Variants in FHIP1A observed in about 807,000 individuals in gnomAD.
The protein encoded by FHIP1A is FHF complex subunit HOOK-interacting protein 1A.
In FHIP1A, 61 loss-of-function variants were observed where a neutral mutation model predicts 88.6. The observed-to-expected ratio is 0.69, with a 90% CI of 0.56 to 0.85. The LOEUF is 0.85. Ranked by LOEUF, FHIP1A falls within the 40% of genes least tolerant of loss-of-function variation. The probability of loss-of-function intolerance (pLI) is 0.00; values close to 1 mark genes in which losing one functional copy is unlikely to be tolerated. For missense variants in FHIP1A, 1,154 were observed against 1,273.5 expected, an observed-to-expected ratio of 0.91 and a Z score of 1.43; for synonymous variants, 478 against 496.0, an observed-to-expected ratio of 0.96 and a Z score of 0.48.
At chr4:151,542,946 G>A (rs1319938373) in intron 3 of FHIP1A, among the ~76,000 whole-genome samples, 2 of 152,180 alleles carry the variant, frequency 1.3e-5, no homozygotes, top group Non-Finnish European at 2.9e-5. Flanking sequence ...GTTGTGTTAT[G>A]TATCTGACAC....
chr4:151,575,947 A>G (rs988123565), intron 4 of FHIP1A, among the ~76,000 whole-genome samples: 1 of 152,230 alleles, frequency 6.6e-6, no homozygotes, highest in Non-Finnish European at 1.5e-5. Flanking sequence ...CAAAAGACAC[A>G]TAGATTCCAT....
intron 3 of FHIP1A, among the ~76,000 whole-genome samples, chr4:151,526,681 C>T (rs1560749204): frequency 6.6e-6 from 1 of 151,636 alleles, no homozygotes; most frequent in Non-Finnish European, 1.5e-5. Flanking sequence ...CCTCCTCCCT[C>T]CCGGACGAGG....
Position 151,649,632 on chromosome 4 carries a change from G to A in FHIP1A, c.1591G>A (p.Asp531Asn), listed in dbSNP as rs1490087118. The A allele has an allele frequency of 1.2e-5, 19 of 1,551,554 alleles. No homozygotes were observed. The highest frequency in any genetic ancestry group is 1.6e-5 in the Non-Finnish European group (18 of 1,146,990). The change falls in exon 11 of 14, where the codon GAC (aspartate) becomes AAC (asparagine). Residue 531 changes from aspartate to asparagine, a missense_variant. Coordinates refer to ENST00000435205, the MANE Select transcript of FHIP1A (RefSeq NM_001109977.3). ...WSALYDGDSP[D>N]PEMFLQSLTE... ...CGCCCTGTATGATGGCGACTCCCCCGACCCTGAGATGTTTCTCCAGAGTCT... is the reference window on the plus strand; with the variant it reads ...CGCCCTGTATGATGGCGACTCCCCCAACCCTGAGATGTTTCTCCAGAGTCT...
intron 3 of FHIP1A, among the ~76,000 whole-genome samples, chr4:151,499,965 C>T (rs1276636685): frequency 1.3e-5 from 2 of 152,168 alleles, no homozygotes; most frequent in African/African-American, 4.8e-5. Context: ...CCATATGAGT[C>T]CCCCTCCATT....
chr4:151,626,820 A>G (rs1185678465), intron 7 of FHIP1A, among the ~76,000 whole-genome samples: 1 of 152,196 alleles, frequency 6.6e-6, no homozygotes, highest in Non-Finnish European at 1.5e-5. Flanking sequence ...GCTACTTTCC[A>G]GTCTTGCTAA....
At chr4:151,596,809 T>C (rs986236505) in intron 7 of FHIP1A, among the ~76,000 whole-genome samples, 8 of 152,192 alleles carry the variant, frequency 5.3e-5, no homozygotes, top group Non-Finnish European at 1.0e-4. Context: ...TTCCACTTGA[T>C]TGATGTGGCT....
chr4:151,437,112 G>A (rs1204446703), intron 1 of FHIP1A, among the ~76,000 whole-genome samples: 1 of 152,088 alleles, frequency 6.6e-6, no homozygotes, highest in African/African-American at 2.4e-5. Flanking sequence ...GGATATGGAG[G>A]GTTGAGTGTA....
chr4:151,630,743 C>A (rs1215482202), intron 8 of FHIP1A, among the ~76,000 whole-genome samples: 1 of 152,168 alleles, frequency 6.6e-6, no homozygotes, highest in Non-Finnish European at 1.5e-5. Context: ...TTCTCCAAGA[C>A]AGACCATGTG....
intron 6 of FHIP1A, among the ~76,000 whole-genome samples, chr4:151,587,000 A>G (rs1020835831): frequency 8.5e-5 from 13 of 152,318 alleles, no homozygotes; most frequent in South Asian, 6.2e-4. Context: ...GAGAAAAAAA[A>G]TGAGTAGATT....
chr4:151,459,396 G>T (rs189028785), intron 2 of FHIP1A, among the ~76,000 whole-genome samples: 1 of 152,254 alleles, frequency 6.6e-6, no homozygotes, highest in East Asian at 1.9e-4. Context: ...GTGAGTACGG[G>T]TGGGACCAAA....
At position 151,604,848 on chromosome 4, in the gene FHIP1A, CAAA is replaced by C. The variant is rs555843721; in HGVS notation, c.978+15932_978+15934del. Among the ~76,000 whole-genome samples, 465 of 127,998 alleles carry C rather than the reference CAAA, an allele frequency of 3.6e-3. 1 individual carries two copies. The highest frequency in any genetic ancestry group is 0.013 in the African/African-American group (452 of 34,884). 84.0% of individuals were successfully genotyped at this position (127,998 alleles called of 152,430 possible). A position where few individuals can be genotyped will look rare whatever the true frequency, so the allele number is the denominator to read the frequency against. On this transcript the variant is annotated intron_variant, in intron 7 of 13. Transcript: ENST00000435205. ...TGGGTGACAGAGTGAGACTCCATCT[CAAA>C]AAAAAAAAATACTAATAATAATAAT... is the stretch of plus-strand genomic sequence containing the variant.
chr4:151,553,525 C>G (rs115605115), intron 3 of FHIP1A, among the ~76,000 whole-genome samples: 1 of 151,916 alleles, frequency 6.6e-6, no homozygotes, highest in Non-Finnish European at 1.5e-5. Context: ...TCTTTTAACT[C>G]GTAGGATAAT....
At chr4:151,659,527 G>A (rs1343076103) in intron 13 of FHIP1A, among the ~76,000 whole-genome samples, 1 of 152,188 alleles carries the variant, frequency 6.6e-6, no homozygotes. Flanking sequence ...AACACATAAT[G>A]TATCTCTCTC....
At chr4:151,538,644 T>C (rs531687922) in intron 3 of FHIP1A, among the ~76,000 whole-genome samples, 1 of 152,326 alleles carries the variant, frequency 6.6e-6, no homozygotes, top group South Asian at 2.1e-4. Flanking sequence ...CAAAAGCGCA[T>C]ACCTCCTCTC....
intron 13 of FHIP1A, 118 bp downstream of exon 13, chr4:151,657,016 T>C (rs1737270642): frequency 9.1e-7 from 1 of 1,095,720 alleles, no homozygotes; most frequent in Non-Finnish European, 1.3e-6. Flanking sequence ...TTCAGAGATA[T>C]TTTCATTTTT....
chr4:151,468,095 T>C (rs188017550), intron 2 of FHIP1A, among the ~76,000 whole-genome samples: 95 of 151,194 alleles, frequency 6.3e-4, no homozygotes, highest in African/African-American at 2.2e-3. Context: ...CCGTCCTGGC[T>C]AACGCAGTGA....
chr4:151,475,538 G>A (rs990584235), intron 2 of FHIP1A, among the ~76,000 whole-genome samples: 2 of 152,138 alleles, frequency 1.3e-5, no homozygotes, highest in Non-Finnish European at 2.9e-5. Context: ...GGAACAGCAA[G>A]TCTGGCAGGT....
At chr4:151,635,133 T>C (rs1736301602) in intron 8 of FHIP1A, among the ~76,000 whole-genome samples, 1 of 151,830 alleles carries the variant, frequency 6.6e-6, no homozygotes, top group South Asian at 2.1e-4. Context: ...CCAAAAAATA[T>C]ATGAAAAGAT....
chr4:151,478,667 CCTT>C (rs1456524597), intron 2 of FHIP1A, among the ~76,000 whole-genome samples: 1 of 152,056 alleles, frequency 6.6e-6, no homozygotes, highest in Non-Finnish European at 1.5e-5. Flanking sequence ...TTCTACAAGG[CCTT>C]CTTAGAGCCT....
Sources: gnomAD v4.1 joint callset for allele counts (sites outside exome capture counted in the v4.1 genomes callset) on GRCh38, gnomAD v4.1.1 for gene constraint, MANE v1.5 for transcripts, NCBI Gene and HGNC (gene_info 2026-07-23, HGNC 2026-07-21) for gene names.